Variants in NUCB2 observed in about 807,000 individuals in gnomAD.
NUCB2 encodes the protein nucleobindin-2.
Under a neutral mutation model 57.9 loss-of-function variants are expected in NUCB2, and 48 were observed. That is an observed-to-expected ratio of 0.83 (90% CI 0.66 to 1.05). NUCB2 has a LOEUF of 1.05. NUCB2 is among the 50% of genes least tolerant of loss of function. The pLI is 0.00. For synonymous variants in NUCB2, 139 were observed against 152.1 expected (o/e 0.91, Z 0.64); for missense variants, 442 against 476.2 (o/e 0.93, Z 0.67).
At chr11:17,282,637 A>G (rs899870713) in intron 1 of NUCB2, among the ~76,000 whole-genome samples, 152 bp from the exon 2 acceptor site, 1 of 152,140 alleles carries the variant, frequency 6.6e-6, no homozygotes, top group Non-Finnish European at 1.5e-5. Context: ...AATATGATAT[A>G]ATTTAGTCTC....
intron 2 of NUCB2, among the ~76,000 whole-genome samples, chr11:17,283,231 A>G (rs1167415431): frequency 1.3e-5 from 2 of 152,190 alleles, no homozygotes; most frequent in South Asian, 2.1e-4. Flanking sequence ...AGCTCTAACC[A>G]TCACTGTCAT....
At chr11:17,301,193 G>A (rs1389085449) in intron 4 of NUCB2, among the ~76,000 whole-genome samples, 2 of 150,724 alleles carry the variant, frequency 1.3e-5, no homozygotes, top group South Asian at 2.1e-4. Flanking sequence ...GGCTGGTCTC[G>A]AACTCCTGAC....
chr11:17,310,765 T>C, intron 6 of NUCB2, 60 bp from the exon 7 acceptor site: 1 of 1,377,718 alleles, frequency 7.3e-7, no homozygotes, highest in Non-Finnish European at 1.0e-6. Context: ...CAAGAATGGC[T>C]TTATTTACAT....
chr11:17,323,843 C>T (rs1481961085), intron 11 of NUCB2, among the ~76,000 whole-genome samples: 1 of 152,024 alleles, frequency 6.6e-6, no homozygotes, highest in African/African-American at 2.4e-5. Context: ...TGTAGATTTT[C>T]CAATTTATTG....
chr11:17,344,068 T>C (rs1952517200), intron 2 of NUCB2, among the ~76,000 whole-genome samples: 1 of 152,178 alleles, frequency 6.6e-6, no homozygotes, highest in African/African-American at 2.4e-5. Context: ...TTCTTGTATC[T>C]CTGCAGGGGA....
At chr11:17,276,929 A>T (rs1399217975) in intron 1 of NUCB2, 101 bp downstream of exon 1, 1 of 151,998 alleles carries the variant, frequency 6.6e-6, no homozygotes, top group African/African-American at 2.4e-5. Context: ...GCCTTGCCAG[A>T]GCAGAGAGGA....
chr11:17,290,178 T>C (rs916782156), intron 2 of NUCB2, among the ~76,000 whole-genome samples: 2 of 152,232 alleles, frequency 1.3e-5, no homozygotes, highest in South Asian at 2.1e-4. Flanking sequence ...TCCCCTAATA[T>C]CAAGTATTTG....
intron 5 of NUCB2, among the ~76,000 whole-genome samples, chr11:17,303,898 A>G (rs1343362590): frequency 2.0e-5 from 3 of 151,948 alleles, no homozygotes; most frequent in African/African-American, 4.8e-5. Flanking sequence ...AAAAAAAAAA[A>G]AAAAGAAAAG....
At chr11:17,285,623 A>G (rs1591211345) in intron 2 of NUCB2, among the ~76,000 whole-genome samples, 1 of 150,218 alleles carries the variant, frequency 6.7e-6, no homozygotes, top group African/African-American at 2.4e-5. Context: ...GGGCACCTGT[A>G]GTCCCAGCTA....
At chr11:17,320,074 C>CTT (rs141700004) in intron 11 of NUCB2, among the ~76,000 whole-genome samples, 1 of 151,906 alleles carries the variant, frequency 6.6e-6, no homozygotes, top group South Asian at 2.1e-4. Flanking sequence ...TGATCTCGTT[C>CTT]TTTTTTTATG....
chr11:17,279,523 A>G (rs1161908136), intron 1 of NUCB2, among the ~76,000 whole-genome samples: 1 of 152,148 alleles, frequency 6.6e-6, no homozygotes, highest in Admixed American at 6.6e-5. Flanking sequence ...TATATACGCT[A>G]TGTTTTTTGC....
chr11:17,324,791 T>TTTATTTA (rs1336114539), intron 11 of NUCB2, among the ~76,000 whole-genome samples: 1 of 87,448 alleles, frequency 1.1e-5, no homozygotes, highest in Non-Finnish European at 2.9e-5. Flanking sequence ...TATTTATTTA[T>TTTATTTA]TTATTTATTT....
intron 2 of NUCB2, among the ~76,000 whole-genome samples, chr11:17,290,198 C>T (rs1310656770): frequency 1.3e-5 from 2 of 152,196 alleles, no homozygotes; most frequent in Non-Finnish European, 2.9e-5. Flanking sequence ...GCTTCACTAA[C>T]ATCAGCTGCT....
At chr11:17,344,121 C>G (rs927557395) in intron 2 of NUCB2, among the ~76,000 whole-genome samples, 3 of 152,146 alleles carry the variant, frequency 2.0e-5, no homozygotes, top group African/African-American at 7.2e-5. Context: ...TTACTCCTCT[C>G]TGATTGAGTG....
intron 2 of NUCB2, among the ~76,000 whole-genome samples, chr11:17,287,903 G>C (rs958871801): frequency 9.2e-5 from 14 of 152,106 alleles, no homozygotes; most frequent in Non-Finnish European, 1.5e-5. Context: ...GGGAGGCTGA[G>C]GCAGGAATCG....
Position 17,301,755 on chromosome 11 carries a change from A to C in NUCB2, c.264A>C (p.Leu88=). 6.2e-7 allele frequency: 1 copy of C among 1,608,538 alleles called. No homozygotes were observed. Among genetic ancestry groups the C allele is most frequent in the Non-Finnish European group, 8.5e-7 (1 of 1,175,042 alleles). ...AATTTTGTTAACAGAGTGGGAGGCT[A>C]AGCAAAGAACTGGATTTAGTAAGTC... The part of the protein sequence containing the change: ...ADIEEIKSGR[L]SKELDLVSHH... The change falls in exon 5 of 14, where the codon CTA becomes CTC. Residue 88 remains leucine, a synonymous_variant. Coordinates refer to ENST00000529010, the MANE Select transcript of NUCB2 (RefSeq NM_005013.4).
chr11:17,282,247 T>G (rs1942802723), intron 1 of NUCB2, among the ~76,000 whole-genome samples: 1 of 82,650 alleles, frequency 1.2e-5, no homozygotes, highest in African/African-American at 6.3e-5. Flanking sequence ...TATATATATA[T>G]ATATATATAT....
At chr11:17,346,311 A>T (rs1272403891) in intron 2 of NUCB2, among the ~76,000 whole-genome samples, 1 of 152,202 alleles carries the variant, frequency 6.6e-6, no homozygotes, top group African/African-American at 2.4e-5. Context: ...GATACAAAAA[A>T]TACTGGTACC....
At chr11:17,304,396 G>C (rs1189828308) in intron 5 of NUCB2, among the ~76,000 whole-genome samples, 1 of 152,056 alleles carries the variant, frequency 6.6e-6, no homozygotes, top group Non-Finnish European at 1.5e-5. Flanking sequence ...GTTTCACCAT[G>C]TTGGTCAGGC....
Sources: gnomAD v4.1 joint callset for allele counts (sites outside exome capture counted in the v4.1 genomes callset) on GRCh38, gnomAD v4.1.1 for gene constraint, MANE v1.5 for transcripts, NCBI Gene and HGNC (gene_info 2026-07-23, HGNC 2026-07-21) for gene names.